CDCA5: variants seen among roughly 807,000 people sequenced by gnomAD.
CDCA5 encodes sororin.
In CDCA5, 14 loss-of-function variants were observed where a neutral mutation model predicts 25.7. That is an observed-to-expected ratio of 0.54 (90% confidence interval 0.36 to 0.85). The LOEUF (loss-of-function observed/expected upper bound fraction) is 0.85. CDCA5 is among the 40% of genes least tolerant of loss of function. The pLI is 0.01. For synonymous variants in CDCA5, 127 were observed against 128.7 expected, an observed-to-expected ratio of 0.99 and a Z score of 0.09; for missense variants, 307 against 324.5, an observed-to-expected ratio of 0.95 and a Z score of 0.41.
intron 2 of CDCA5, chr11:65,068,229 C>T (rs1313138489): frequency 1.5e-6 from 1 of 671,782 alleles, no homozygotes; most frequent in African/African-American, 1.9e-5. Context: ...TCAGGGGCCC[C>T]ATCGTCTGTA....
chr11:65,066,472 C>T (rs1947238417), exon 7 of CDCA5: 1 of 1,286,828 alleles, frequency 7.8e-7, no homozygotes, highest in Non-Finnish European at 1.0e-6. Flanking sequence ...GGGTTTGGGT[C>T]ACTGCAGGCA....
At chr11:65,082,983 A>G (rs1947604335) in intron 4 of CDCA5, among the ~76,000 whole-genome samples, 2 of 152,060 alleles carry the variant, frequency 1.3e-5, no homozygotes, top group Admixed American at 1.3e-4. Flanking sequence ...ATGTCTTCAG[A>G]TTGTCTATTA....
chr11:65,078,519 C>T lies in CDCA5; in HGVS notation c.*588G>A, dbSNP rs759103554. On this transcript the variant is annotated 3_prime_UTR_variant, in exon 6 of 6. Transcript: ENST00000275517. ...CTCCCTACATCCTTCAAAACTCAGACTCCACAGGCTGAATGTCCAGCTTCT... is the reference window on the plus strand; with the variant it reads ...CTCCCTACATCCTTCAAAACTCAGATTCCACAGGCTGAATGTCCAGCTTCT... 24 of 985,540 alleles carry T rather than the reference C, an allele frequency of 2.4e-5. No homozygotes were observed. Among genetic ancestry groups the T allele is most frequent in the Admixed American group, 6.1e-5 (1 of 16,274 alleles). The allele number at this position is 985,540 out of a possible 1,614,324, so 61.0% of individuals were successfully genotyped here.
intron 1 of CDCA5, among the ~76,000 whole-genome samples, chr11:65,071,556 G>A (rs1947344312): frequency 2.0e-5 from 3 of 151,912 alleles, no homozygotes; most frequent in Non-Finnish European, 2.9e-5. Flanking sequence ...CTGGTGATCC[G>A]CCTGCCTCGG....
At position 65,079,417 on chromosome 11, in the gene CDCA5, A is replaced by G; in HGVS notation, c.614T>C (p.Leu205Pro). 1.9e-6 allele frequency: 3 copies of G among 1,613,914 alleles called. No homozygotes were observed. Among genetic ancestry groups the G allele is most frequent in the Non-Finnish European group, 1.7e-6 (2 of 1,179,962 alleles). ...CAKPWAPDMT[L>P]PGISPPPEKQ... Reference sequence around the variant, plus strand: ...CTCGGGTGGTGGGGAGATTCCAGGGAGAGTCATGTCTGGGGCCCAGGGCTT... The same window carrying G: ...CTCGGGTGGTGGGGAGATTCCAGGGGGAGTCATGTCTGGGGCCCAGGGCTT... The change falls in exon 5 of 6, where the codon CTC becomes CCC. Residue 205 changes from leucine to proline, a missense_variant. By Grantham distance (98) the Leu-to-Pro change is moderately conservative. Coordinates refer to ENST00000275517, the MANE Select transcript of CDCA5 (RefSeq NM_080668.4).
intron 3 of CDCA5, chr11:65,067,969 G>A (rs1394106585): frequency 4.4e-6 from 5 of 1,148,892 alleles, no homozygotes; most frequent in South Asian, 1.3e-5. Context: ...TTTTGTGCGT[G>A]CCTGCATGTG....
downstream of CDCA5, among the ~76,000 whole-genome samples, chr11:65,064,847 C>T (rs1245041646): frequency 6.6e-6 from 1 of 152,042 alleles, no homozygotes; most frequent in Non-Finnish European, 1.5e-5. Flanking sequence ...ATAGCAAGAC[C>T]CTGTCTCTAT....
At chr11:65,067,843 C>T (rs951097629) in intron 3 of CDCA5, 1 of 928,458 alleles carries the variant, frequency 1.1e-6, no homozygotes, top group Non-Finnish European at 1.5e-6. Flanking sequence ...GCCAAAGGCC[C>T]CGGCTTCAGC....
chr11:65,067,556 G>T, intron 4 of CDCA5: 1 of 598,604 alleles, frequency 1.7e-6, no homozygotes, highest in Non-Finnish European at 2.6e-6. Context: ...CTGAATGCCC[G>T]TTCACCAGCC....
intron 4 of CDCA5, chr11:65,083,159 T>G (rs1175731256): frequency 3.3e-6 from 2 of 598,140 alleles, no homozygotes; most frequent in Non-Finnish European, 5.9e-6. Context: ...AGGAAAATGG[T>G]AGAAATACAC....
At chr11:65,067,923 T>G in intron 3 of CDCA5, 1 of 898,640 alleles carries the variant, frequency 1.1e-6, no homozygotes, top group African/African-American at 1.7e-5. Flanking sequence ...TGTTTCTGGG[T>G]GTGGGGTGGG....
intron 4 of CDCA5, 105 bp downstream of exon 4, chr11:65,083,259 G>T: frequency 1.5e-6 from 2 of 1,348,980 alleles, no homozygotes; most frequent in Non-Finnish European, 2.1e-6. Context: ...TGTTTTTGCA[G>T]TACTGCAAAA....
chr11:65,064,986 C>G (rs1209040249), downstream of CDCA5, among the ~76,000 whole-genome samples: 1 of 152,140 alleles, frequency 6.6e-6, no homozygotes, highest in Non-Finnish European at 1.5e-5. Flanking sequence ...AGGCCTGATC[C>G]CTAGGAGTCT....
chr11:65,069,235 CAAAAAA>C (rs538955897), intron 1 of CDCA5, among the ~76,000 whole-genome samples: 1 of 85,930 alleles, frequency 1.2e-5, no homozygotes, highest in African/African-American at 5.0e-5. Context: ...GCGAGACTCT[CAAAAAA>C]AAAAAAAAAA....
exon 7 of CDCA5, chr11:65,066,423 G>C: frequency 8.0e-7 from 1 of 1,257,758 alleles, no homozygotes; most frequent in Non-Finnish European, 1.0e-6. Context: ...GTGGTCGTGG[G>C]GCAGGTCAGG....
chr11:65,064,950 C>T (rs148725461), downstream of CDCA5, among the ~76,000 whole-genome samples: 1,976 of 152,302 alleles, frequency 0.013, 22 homozygotes, highest in Middle Eastern at 0.027. Context: ...AGTCACTAAT[C>T]AAGCACTTCA....
chr11:65,081,850 T>G (rs1266181004), intron 4 of CDCA5, among the ~76,000 whole-genome samples: 1 of 151,912 alleles, frequency 6.6e-6, no homozygotes, highest in East Asian at 1.9e-4. Context: ...CATGGTGGCA[T>G]GTGACTATAG....
chr11:65,083,267 A>AAAC, intron 4 of CDCA5, 97 bp downstream of exon 4: 1 of 1,463,536 alleles, frequency 6.8e-7, no homozygotes, highest in Non-Finnish European at 9.5e-7. Context: ...CAGTACTGCA[A>AAAC]AACAGCTCCC....
chr11:65,066,576 G>A, exon 6 of CDCA5: 1 of 1,289,408 alleles, frequency 7.8e-7, no homozygotes, highest in Non-Finnish European at 1.0e-6. Context: ...CTCCGGCAGG[G>A]CCTGGCTTTC....
Sources: allele counts gnomAD v4.1 joint callset (sites outside exome capture counted in the v4.1 genomes callset), GRCh38; gene constraint gnomAD v4.1.1; transcripts MANE v1.5; gene names NCBI Gene and HGNC (gene_info 2026-07-23, HGNC 2026-07-21).